The following DNAH11 variants were observed in gnomAD, a reference collection of about 807,000 sequenced individuals.
The protein encoded by DNAH11 is dynein axonemal heavy chain 11.
A neutral mutation model predicts 526.0 loss-of-function variants in DNAH11; 442 were observed. The observed-to-expected ratio is 0.84, with a 90% CI of 0.78 to 0.91. The LOEUF (loss-of-function observed/expected upper bound fraction) is 0.91. Ranked by LOEUF, DNAH11 falls within the 40% of genes least tolerant of loss-of-function variation. The probability of loss-of-function intolerance (pLI) is 0.00; values close to 1 mark genes in which losing one functional copy is unlikely to be tolerated. For missense variants in DNAH11, 6,989 were observed against 5,448.7 expected (o/e 1.28, Z -8.90); for synonymous variants, 2,461 against 1,935.9 (o/e 1.27, Z -7.12).
At position 21,894,929 on chromosome 7, in the gene DNAH11, T is replaced by C. The variant is rs763079810; in HGVS notation, c.12979T>C (p.Leu4327=). 2.7e-5 allele frequency: 44 copies of C among 1,613,966 alleles called. No individual in the cohort carries two copies. The highest frequency in any genetic ancestry group is 1.4e-4 in the South Asian group (13 of 91,078). ...SPAVEAQQFA[L]SYDTVPDTWS... Reference sequence around the variant, plus strand: ...TGCTGTGGAAGCCCAGCAGTTTGCATTGAGTTATGACACGGTACCAGACAC... The same window carrying C: ...TGCTGTGGAAGCCCAGCAGTTTGCACTGAGTTATGACACGGTACCAGACAC... The change falls in exon 79 of 82, where the codon TTG becomes CTG. Residue 4327 remains leucine (L), a synonymous_variant. Transcript: ENST00000409508.
intron 65 of DNAH11, among the ~76,000 whole-genome samples, chr7:21,838,020 G>C (rs1782059684): frequency 6.6e-6 from 1 of 152,180 alleles, no homozygotes; most frequent in Admixed American, 6.5e-5. Context: ...AAGTTAGGCT[G>C]AGTCAAAAGA....
chr7:21,555,753 TG>T lies in DNAH11; in HGVS notation c.496-3046del, dbSNP rs550731012. ...CCTCCACTGCCTCCTGAATAAGTCT[TG>T]GGTTTGTTTATGGCCTCTGCAGGGA... is the stretch of plus-strand genomic sequence containing the variant. On this transcript the variant is annotated intron_variant, in intron 2 of 81. Transcript: ENST00000409508. Among the ~76,000 whole-genome samples the T allele has an allele frequency of 5.9e-5, 9 of 152,268 alleles. No homozygotes were observed. In the East Asian group the frequency reaches 1.7e-3, roughly 29 times the overall value.
intron 18 of DNAH11, among the ~76,000 whole-genome samples, chr7:21,604,766 G>A (rs528752814): frequency 1.4e-4 from 22 of 152,310 alleles, no homozygotes; most frequent in African/African-American, 4.6e-4. Context: ...GGGGACCTGA[G>A]CTCATGGATG....
intron 34 of DNAH11, among the ~76,000 whole-genome samples, chr7:21,689,476 T>G (rs74762888): frequency 0.046 from 7,016 of 152,320 alleles, 231 homozygotes; most frequent in East Asian, 0.14. Flanking sequence ...GATGGGACCA[T>G]GCCTCAATTA....
chr7:21,655,370 A>C (rs2128464914), intron 28 of DNAH11, among the ~76,000 whole-genome samples: 1 of 152,318 alleles, frequency 6.6e-6, no homozygotes, highest in Non-Finnish European at 1.5e-5. Flanking sequence ...GTATCAAGGC[A>C]AGTGCGTGTT....
intron 28 of DNAH11, among the ~76,000 whole-genome samples, chr7:21,654,625 G>T (rs748981676): frequency 3.3e-5 from 5 of 152,070 alleles, no homozygotes; most frequent in Admixed American, 3.3e-4. Flanking sequence ...CTGGATCATT[G>T]CTAATTCTAT....
chr7:21,610,146 C>T (rs62447782), intron 20 of DNAH11, among the ~76,000 whole-genome samples: 17,338 of 151,872 alleles, frequency 0.11, 1,251 homozygotes, highest in East Asian at 0.2. Context: ...CCCAGCTACT[C>T]GGGAGGCTGA....
At chr7:21,834,729 C>T (rs1396939236) in intron 65 of DNAH11, among the ~76,000 whole-genome samples, 2 of 152,092 alleles carry the variant, frequency 1.3e-5, no homozygotes, top group Admixed American at 6.6e-5. Context: ...GCCTGTAGCT[C>T]TAACTACCTG....
intron 62 of DNAH11, 85 bp downstream of exon 62, chr7:21,801,360 A>T: frequency 6.6e-7 from 1 of 1,524,940 alleles, no homozygotes; most frequent in Non-Finnish European, 8.9e-7. Flanking sequence ...ATAATAACTA[A>T]ATAGACATGG....
intron 42 of DNAH11, among the ~76,000 whole-genome samples, chr7:21,717,479 A>T (rs1166249507): frequency 2.0e-5 from 3 of 152,208 alleles, no homozygotes; most frequent in African/African-American, 4.8e-5. Flanking sequence ...AGGAAATGAC[A>T]TAGTGCACTT....
At chr7:21,752,399 G>T (rs1786452091) in intron 54 of DNAH11, among the ~76,000 whole-genome samples, 1 of 152,288 alleles carries the variant, frequency 6.6e-6, no homozygotes, top group African/African-American at 2.4e-5. Flanking sequence ...CAGAGGTGAT[G>T]CTGAGCAACA....
intron 25 of DNAH11, 115 bp from the exon 26 acceptor site, chr7:21,635,756 T>C (rs1433780783): frequency 2.6e-6 from 2 of 775,958 alleles, no homozygotes; most frequent in South Asian, 3.1e-5. Context: ...GTTCCAGATA[T>C]TACATGCTAG....
chr7:21,865,240 C>G (rs561188250), intron 70 of DNAH11, among the ~76,000 whole-genome samples: 1 of 152,322 alleles, frequency 6.6e-6, no homozygotes, highest in African/African-American at 2.4e-5. Context: ...ATATGCTAAG[C>G]TTTGCCCTAC....
At chr7:21,616,910 C>T (rs993651454) in intron 22 of DNAH11, among the ~76,000 whole-genome samples, 4 of 152,126 alleles carry the variant, frequency 2.6e-5, no homozygotes, top group Non-Finnish European at 5.9e-5. Flanking sequence ...GTGACAGGAC[C>T]ATTTGCTTTT....
intron 30 of DNAH11, among the ~76,000 whole-genome samples, chr7:21,667,502 A>G (rs1270675397): frequency 6.6e-6 from 1 of 152,198 alleles, no homozygotes; most frequent in Non-Finnish European, 1.5e-5. Context: ...TTCATGGCCT[A>G]TAGTTTACCA....
In DNAH11 at chr7:21,725,831, C is replaced by G; in HGVS notation, c.7287C>G (p.Asp2429Glu). ...CTTAGATTTCTGATTATCAAGCTGA[C>G]TTCAGTCGGTGGTGGCAGAAAGAGA... is the stretch of plus-strand genomic sequence containing the variant. Reference protein sequence around the residue: ...LQDQISDYQADFSRWWQKEMK... With the variant: ...LQDQISDYQAEFSRWWQKEMK... The change falls in exon 45 of 82, where the codon GAC becomes GAG. Residue 2429 changes from aspartate (D) to glutamate (E), a missense_variant. Physicochemically the swap from Asp to Glu is conservative, Grantham distance 45 (BLOSUM62 2). Coordinates refer to ENST00000409508, the MANE Select transcript of DNAH11 (RefSeq NM_001277115.2). 2 of 1,611,844 alleles carry G rather than the reference C, an allele frequency of 1.2e-6. No homozygotes were observed. Among genetic ancestry groups the G allele is most frequent in the Non-Finnish European group, 1.7e-6 (2 of 1,178,966 alleles).
Position 21,789,797 on chromosome 7 carries a change from C to CTTT in DNAH11, c.10026+456_10026+458dup, listed in dbSNP as rs202096990. Among the ~76,000 whole-genome samples, 510 of 68,040 alleles carry CTTT rather than the reference C, an allele frequency of 7.5e-3. 1 individual carries two copies. The highest frequency in any genetic ancestry group is 0.022 in the African/African-American group (401 of 18,176). The allele number at this position is 68,040 out of a possible 152,430, so 44.6% of individuals were successfully genotyped here. On this transcript the variant is annotated intron_variant, in intron 61 of 81. Transcript: ENST00000409508. ...TCTTTCTTTCTTTCTTTCTTTCTTT[C>CTTT]TTTCTTTCTTTTTTCTTTCTTTCTT...
chr7:21,828,810 A>ATGTTGT (rs149793138), intron 65 of DNAH11, among the ~76,000 whole-genome samples: 243 of 149,158 alleles, frequency 1.6e-3, no homozygotes, highest in African/African-American at 5.7e-3. Context: ...TGAAACACCA[A>ATGTTGT]TGTTGTTGTT....
At chr7:21,795,884 T>G (rs1170798944) in intron 61 of DNAH11, among the ~76,000 whole-genome samples, 4 of 152,132 alleles carry the variant, frequency 2.6e-5, no homozygotes, top group African/African-American at 9.7e-5. Context: ...AGGAGCAGTT[T>G]CCTCTTGAAT....
Sources: gnomAD v4.1 joint callset for allele counts (sites outside exome capture counted in the v4.1 genomes callset) on GRCh38, gnomAD v4.1.1 for gene constraint, MANE v1.5 for transcripts, NCBI Gene and HGNC (gene_info 2026-07-23, HGNC 2026-07-21) for gene names.